RIGI: variants seen among roughly 807,000 people sequenced by gnomAD.
RIGI encodes the protein antiviral innate immune response receptor RIG-I.
At chr9:32,460,774 GA>G in the RIGI span, among the ~76,000 whole-genome samples, 3 of 150,314 alleles carry the variant, frequency 2.0e-5, no homozygotes, top group Admixed American at 2.0e-4. Context: ...ATACACTGGG[GA>G]AAAAAAAAGC....
At chr9:32,470,477 T>G in the RIGI span, among the ~76,000 whole-genome samples, 6 of 152,372 alleles carry the variant, frequency 3.9e-5, no homozygotes, top group East Asian at 9.6e-4. Context: ...AAATTTGAAT[T>G]GCACAAACCT....
the RIGI span, chr9:32,526,167 G>A: frequency 3.1e-6 from 5 of 1,610,790 alleles, no homozygotes; most frequent in South Asian, 1.1e-5. Context: ...CGGTGGTCAT[G>A]CCGGCCTCTG....
the RIGI span, among the ~76,000 whole-genome samples, chr9:32,499,425 G>A: frequency 1.1e-4 from 16 of 148,664 alleles, no homozygotes; most frequent in East Asian, 3.9e-4. Flanking sequence ...AAAAGTTAGC[G>A]TTTGTTTTTT....
the RIGI span, among the ~76,000 whole-genome samples, chr9:32,479,421 T>C: frequency 6.6e-6 from 1 of 152,208 alleles, no homozygotes. Context: ...TTAGCACTAA[T>C]TACCTTTGGG....
At chr9:32,481,195 GAGTTTGCTTC>G in the RIGI span, 1 of 712,144 alleles carries the variant, frequency 1.4e-6, no homozygotes, top group Non-Finnish European at 2.2e-6. Context: ...ACAACTTTTG[GAGTTTGCTTC>G]ATAAGAACTT....
At chr9:32,475,520 A>G in the RIGI span, among the ~76,000 whole-genome samples, 1 of 152,158 alleles carries the variant, frequency 6.6e-6, no homozygotes, top group South Asian at 2.1e-4. Flanking sequence ...TAGTCAACTG[A>G]TGTTTTCAGA....
At chr9:32,479,244 A>G in the RIGI span, among the ~76,000 whole-genome samples, 1 of 152,194 alleles carries the variant, frequency 6.6e-6, no homozygotes, top group African/African-American at 2.4e-5. Flanking sequence ...TTTTATTTAT[A>G]AATTGTGGTT....
At chr9:32,476,520 A>G in the RIGI span, among the ~76,000 whole-genome samples, 1 of 152,168 alleles carries the variant, frequency 6.6e-6, no homozygotes, top group Admixed American at 6.5e-5. Context: ...GGGGGAAAAA[A>G]AAACAACACA....
At chr9:32,459,928 G>A in the RIGI span, among the ~76,000 whole-genome samples, 1 of 152,164 alleles carries the variant, frequency 6.6e-6, no homozygotes, top group Non-Finnish European at 1.5e-5. Flanking sequence ...GATACAACAG[G>A]CAGAAGAGCC....
chr9:32,460,485 GA>G, the RIGI span, among the ~76,000 whole-genome samples: 4 of 148,944 alleles, frequency 2.7e-5, no homozygotes, highest in Non-Finnish European at 6.0e-5. Context: ...CAAACTGAAT[GA>G]AAAAAAAAGA....
At chr9:32,499,323 T>G in the RIGI span, among the ~76,000 whole-genome samples, 3 of 148,206 alleles carry the variant, frequency 2.0e-5, no homozygotes, top group Non-Finnish European at 3.0e-5. Flanking sequence ...TTTGTTTTTT[T>G]TTTTTTTTTT....
chr9:32,518,222 C>G, the RIGI span, among the ~76,000 whole-genome samples: 11 of 151,760 alleles, frequency 7.2e-5, no homozygotes, highest in African/African-American at 1.7e-4. Flanking sequence ...TGAAAGGTTA[C>G]TTATGAAACA....
At chr9:32,504,987 T>C in the RIGI span, among the ~76,000 whole-genome samples, 1 of 131,276 alleles carries the variant, frequency 7.6e-6, no homozygotes, top group South Asian at 2.2e-4. Flanking sequence ...ATATCATATA[T>C]ATTTTATATA....
At chr9:32,459,104 G>A in the RIGI span, among the ~76,000 whole-genome samples, 1 of 143,024 alleles carries the variant, frequency 7.0e-6, no homozygotes, top group Non-Finnish European at 1.6e-5. Flanking sequence ...GGCCGGGCTG[G>A]TCTCGAACTC....
At chr9:32,487,485 T>A in the RIGI span, 7 of 1,614,172 alleles carry the variant, frequency 4.3e-6, no homozygotes, top group Middle Eastern at 6.6e-4. Flanking sequence ...CTGGGGCTTA[T>A]AAACAACTTG....
chr9:32,493,527 G>C, the RIGI span, among the ~76,000 whole-genome samples: 2 of 152,082 alleles, frequency 1.3e-5, no homozygotes, highest in African/African-American at 2.4e-5. Flanking sequence ...GAGAGGCGAG[G>C]CAGGAGAATT....
At chr9:32,494,038 T>C in the RIGI span, 1 of 953,826 alleles carries the variant, frequency 1.0e-6, no homozygotes, top group South Asian at 1.7e-5. Flanking sequence ...TGTATGGTGG[T>C]AGAATTCAAA....
chr9:32,521,922 A>G, the RIGI span, among the ~76,000 whole-genome samples: 13 of 152,094 alleles, frequency 8.5e-5, no homozygotes, highest in Non-Finnish European at 1.6e-4. Context: ...GTTGTTTTGC[A>G]TTGATTCTTT....
chr9:32,474,379 C>T, the RIGI span, among the ~76,000 whole-genome samples: 22,700 of 152,080 alleles, frequency 0.15, 1,870 homozygotes, highest in African/African-American at 0.22. Context: ...CCTCAATGAT[C>T]TCCACCTTCT....
Sources: allele counts gnomAD v4.1 joint callset (sites outside exome capture counted in the v4.1 genomes callset), GRCh38; gene constraint gnomAD v4.1.1; transcripts MANE v1.5; gene names NCBI Gene and HGNC (gene_info 2026-07-23, HGNC 2026-07-21).